CADM2: variants seen among roughly 807,000 people sequenced by gnomAD.
The protein encoded by CADM2 is cell adhesion molecule 2, also known as immunoglobulin superfamily member 4D.
CADM2 carries 12 observed loss-of-function variants against 49.8 expected under a neutral mutation model. The observed-to-expected ratio is 0.24, with a 90% CI of 0.15 to 0.39. CADM2 has a LOEUF of 0.39. Ranked by LOEUF, CADM2 falls within the 10% of genes least tolerant of loss-of-function variation. CADM2 has a pLI of 1.00. For missense variants in CADM2, 378 were observed against 492.3 expected, an observed-to-expected ratio of 0.77 and a Z score of 2.20; for synonymous variants, 214 against 175.4, an observed-to-expected ratio of 1.22 and a Z score of -1.74.
At chr3:85,618,169 G>A (rs1007598514) in intron 1 of CADM2, among the ~76,000 whole-genome samples, 2 of 152,038 alleles carry the variant, frequency 1.3e-5, no homozygotes, top group African/African-American at 2.4e-5. Flanking sequence ...AAATTACATA[G>A]CAGCTAAATT....
chr3:85,718,086 A>G (rs2067361891), intron 1 of CADM2, among the ~76,000 whole-genome samples: 1 of 152,158 alleles, frequency 6.6e-6, no homozygotes. Flanking sequence ...TAGTTTTTTA[A>G]GGATGTGTCA....
At chr3:85,867,011 G>A (rs542243110) in intron 3 of CADM2, among the ~76,000 whole-genome samples, 11 of 152,198 alleles carry the variant, frequency 7.2e-5, no homozygotes, top group African/African-American at 2.2e-4. Flanking sequence ...TATGAAAAAA[G>A]TAGTCATTTC....
At chr3:85,384,238 T>G (rs2034077080) in intron 1 of CADM2, among the ~76,000 whole-genome samples, 1 of 152,210 alleles carries the variant, frequency 6.6e-6, no homozygotes, top group Non-Finnish European at 1.5e-5. Context: ...TATCCATATA[T>G]CTTATAGAAT....
chr3:85,782,207 G>A (rs908915227), intron 2 of CADM2, among the ~76,000 whole-genome samples: 1 of 152,080 alleles, frequency 6.6e-6, no homozygotes, highest in African/African-American at 2.4e-5. Flanking sequence ...TGAATTTAAT[G>A]TGGTTTACTC....
At chr3:85,167,198 G>A (rs2040493027) in intron 1 of CADM2, among the ~76,000 whole-genome samples, 1 of 151,972 alleles carries the variant, frequency 6.6e-6, no homozygotes, top group Non-Finnish European at 1.5e-5. Flanking sequence ...CTGCAGAAAG[G>A]GTTTGAAGGA....
At chr3:85,614,339 T>C (rs916088783) in intron 1 of CADM2, among the ~76,000 whole-genome samples, 1 of 151,692 alleles carries the variant, frequency 6.6e-6, no homozygotes, top group East Asian at 1.9e-4. Context: ...ATTCTGATTT[T>C]TTATAGTTAA....
At chr3:85,393,563 C>G (rs1261602006) in intron 1 of CADM2, among the ~76,000 whole-genome samples, 1 of 151,952 alleles carries the variant, frequency 6.6e-6, no homozygotes, top group Non-Finnish European at 1.5e-5. Context: ...TGTATACAGC[C>G]TAGGGAGAAA....
Position 85,387,318 on chromosome 3 carries a change from C to T in CADM2, c.62-339204C>T, listed in dbSNP as rs557624771. Among the ~76,000 whole-genome samples the T allele has an allele frequency of 7.9e-5, 12 of 152,184 alleles. No homozygotes were observed. The East Asian group carries it at 1.7e-3, about 22-fold the overall frequency. On this transcript the variant is annotated intron_variant, in intron 1 of 9. Coordinates refer to ENST00000383699, the MANE Select transcript of CADM2 (RefSeq NM_001167675.2). Reference sequence around the variant, plus strand: ...ATAATTTAGAAAAAATAAGCAAATACGAGTTAGTGTAAATACAATGTAAAG... The same window carrying T: ...ATAATTTAGAAAAAATAAGCAAATATGAGTTAGTGTAAATACAATGTAAAG...
chr3:85,633,723 A>G (rs757914742), intron 1 of CADM2, among the ~76,000 whole-genome samples: 6 of 152,082 alleles, frequency 3.9e-5, no homozygotes, highest in Admixed American at 6.6e-5. Context: ...ATAAAAAAGG[A>G]TGGGAGGAGA....
At position 86,071,756 on chromosome 3, in the gene CADM2, GC is replaced by G. The variant is rs778135394; in HGVS notation, c.*4974del. On this transcript the variant is annotated 3_prime_UTR_variant, in exon 10 of 10. Coordinates refer to ENST00000383699, the MANE Select transcript of CADM2 (RefSeq NM_001167675.2). The stretch of plus-strand genomic sequence containing the variant: ...ATTTGTTTTTCCTTTTCTATCATTA[GC>G]TTTTCCTAAAGGCAAAATATTATAA... 1.3e-5 allele frequency: 2 copies of G among 151,764 alleles called. No individual in the cohort carries two copies. The highest frequency in any genetic ancestry group is 2.9e-5 in the Non-Finnish European group (2 of 67,840). 9.4% of individuals were successfully genotyped at this position (151,764 alleles called of 1,614,324 possible). A position where few individuals can be genotyped will look rare whatever the true frequency, so the allele number is the denominator to read the frequency against.
At chr3:85,957,145 A>T (rs1204292236) in intron 7 of CADM2, among the ~76,000 whole-genome samples, 2 of 151,704 alleles carry the variant, frequency 1.3e-5, no homozygotes, top group Non-Finnish European at 2.9e-5. Context: ...AACGATGTAC[A>T]TAGCACAAGA....
chr3:85,661,234 C>T lies in CADM2; in HGVS notation c.62-65288C>T, dbSNP rs1325128099. Among the ~76,000 whole-genome samples, 4 of 152,024 alleles carry T rather than the reference C, an allele frequency of 2.6e-5. No individual in the cohort carries two copies. The East Asian group carries it at 7.7e-4, about 29-fold the overall frequency. On this transcript the variant is annotated intron_variant, in intron 1 of 9. Coordinates refer to ENST00000383699, the MANE Select transcript of CADM2 (RefSeq NM_001167675.2). ...GGTATTTTGGAGGTATCCTGAGTGG[C>T]AGTGCTGTGCAGGTTGTCAGCTTGT...
intron 8 of CADM2, among the ~76,000 whole-genome samples, chr3:86,060,054 C>T (rs1738432683): frequency 1.3e-5 from 2 of 151,930 alleles, no homozygotes; most frequent in Admixed American, 6.6e-5. Context: ...ATTTCCTTCA[C>T]AGATTATAAG....
At chr3:85,228,367 A>T (rs1004910854) in intron 1 of CADM2, among the ~76,000 whole-genome samples, 2 of 151,628 alleles carry the variant, frequency 1.3e-5, no homozygotes, top group Admixed American at 1.3e-4. Context: ...ACTTTATTTC[A>T]TTAAGTTAAT....
chr3:85,390,527 T>C (rs2034467744), intron 1 of CADM2, among the ~76,000 whole-genome samples: 1 of 152,076 alleles, frequency 6.6e-6, no homozygotes, highest in African/African-American at 2.4e-5. Context: ...CTTCTAGGTG[T>C]AGGAGGTCAG....
intron 1 of CADM2, among the ~76,000 whole-genome samples, chr3:85,071,456 T>A (rs2036741137): frequency 6.6e-6 from 1 of 152,136 alleles, no homozygotes; most frequent in Admixed American, 6.5e-5. Context: ...TGGAAAAACC[T>A]TAGTATTAAC....
intron 8 of CADM2, among the ~76,000 whole-genome samples, chr3:86,016,356 T>C (rs1371184035): frequency 6.6e-6 from 1 of 152,208 alleles, no homozygotes; most frequent in African/African-American, 2.4e-5. Flanking sequence ...TTATTTCTTG[T>C]ACCAATCTAT....
chr3:85,266,232 C>G (rs2043118776), intron 1 of CADM2, among the ~76,000 whole-genome samples: 1 of 151,770 alleles, frequency 6.6e-6, no homozygotes, highest in Non-Finnish European at 1.5e-5. Context: ...TTTGCAGTCT[C>G]AAAACTGAGC....
chr3:85,260,695 C>A (rs1170100263), intron 1 of CADM2, among the ~76,000 whole-genome samples: 4 of 152,162 alleles, frequency 2.6e-5, no homozygotes, highest in Non-Finnish European at 5.9e-5. Flanking sequence ...GCAATTTCTA[C>A]TACACTGTTT....
Sources: allele counts gnomAD v4.1 joint callset (sites outside exome capture counted in the v4.1 genomes callset), GRCh38; gene constraint gnomAD v4.1.1; transcripts MANE v1.5; gene names NCBI Gene and HGNC (gene_info 2026-07-23, HGNC 2026-07-21).